ZNF365: variants seen among roughly 807,000 people sequenced by gnomAD.
ZNF365 encodes protein ZNF365.
A neutral mutation model predicts 35.0 loss-of-function variants in ZNF365; 22 were observed. The ratio of observed to expected loss-of-function variants is 0.63; its 90% confidence interval spans 0.45 to 0.90. The LOEUF is 0.90. Among genes scored for constraint, ZNF365 ranks in the 40% least tolerant of loss-of-function variants. ZNF365 has a pLI of 0.00. For missense variants in ZNF365, 448 were observed against 500.3 expected (o/e 0.90, Z 1.00); for synonymous variants, 188 against 196.2 (o/e 0.96, Z 0.35).
In ZNF365 at chr10:62,374,861, C is replaced by A. The variant is rs75926407; in HGVS notation, c.-14+403C>A. Among the ~76,000 whole-genome samples, 863 of 152,302 alleles carry A rather than the reference C, an allele frequency of 5.7e-3. 7 individuals carry two copies. The highest frequency in any genetic ancestry group is 0.02 in the African/African-American group (845 of 41,564). ...TGCCCCCTTAGAATCCTGACTTCCC[C>A]TTTCCTTACCTCTTGTCAGCGTCTT... On this transcript the variant is annotated intron_variant, in intron 1 of 4. Coordinates refer to ENST00000395254, the MANE Select transcript of ZNF365 (RefSeq NM_014951.3).
At chr10:62,410,433 A>G (rs530570045) in intron 3 of ZNF365, among the ~76,000 whole-genome samples, 2 of 152,158 alleles carry the variant, frequency 1.3e-5, no homozygotes, top group South Asian at 2.1e-4. Flanking sequence ...ACACAGGTAA[A>G]CATGTGCCAT....
chr10:62,453,860 A>C (rs117063048), intron 3 of ZNF365, among the ~76,000 whole-genome samples: 1,873 of 152,336 alleles, frequency 0.012, 12 homozygotes, highest in Non-Finnish European at 0.02. Context: ...GATATGATTT[A>C]AGTAAGTTGT....
chr10:62,455,269 G>T (rs1035125357), intron 3 of ZNF365, among the ~76,000 whole-genome samples: 1 of 152,170 alleles, frequency 6.6e-6, no homozygotes, highest in South Asian at 2.1e-4. Flanking sequence ...GGAGGATTTT[G>T]TAATAGCCCA....
At chr10:62,463,165 T>G (rs944878361) in intron 4 of ZNF365, among the ~76,000 whole-genome samples, 2 of 152,230 alleles carry the variant, frequency 1.3e-5, no homozygotes, top group Non-Finnish European at 2.9e-5. Flanking sequence ...AGGCTCAAGA[T>G]GAGCTCCTGC....
chr10:62,455,528 A>T (rs1485293596), intron 3 of ZNF365, among the ~76,000 whole-genome samples: 1 of 152,122 alleles, frequency 6.6e-6, no homozygotes, highest in Non-Finnish European at 1.5e-5. Context: ...ACTGGAGCTG[A>T]GATATATGTA....
At chr10:62,471,298 G>A (rs557117432) in intron 4 of ZNF365, among the ~76,000 whole-genome samples, 77 of 151,300 alleles carry the variant, frequency 5.1e-4, no homozygotes, top group African/African-American at 1.7e-3. Context: ...CCCGGGAGGC[G>A]GAGCTTGCAG....
intron 3 of ZNF365, among the ~76,000 whole-genome samples, chr10:62,411,017 C>T (rs1016931140): frequency 2.0e-5 from 3 of 152,166 alleles, no homozygotes; most frequent in African/African-American, 7.2e-5. Flanking sequence ...TTGCATTTCT[C>T]TAATGATCAG....
intron 3 of ZNF365, among the ~76,000 whole-genome samples, chr10:62,409,848 G>T (rs1396959007): frequency 1.3e-5 from 2 of 152,178 alleles, no homozygotes; most frequent in East Asian, 3.9e-4. Flanking sequence ...TGCAACAGTG[G>T]GTACAGGAGA....
At chr10:62,462,782 C>A (rs1403169165) in intron 4 of ZNF365, among the ~76,000 whole-genome samples, 1 of 152,136 alleles carries the variant, frequency 6.6e-6, no homozygotes, top group Non-Finnish European at 1.5e-5. Flanking sequence ...GTAAGGAAAT[C>A]TAAAAATTTT....
intron 3 of ZNF365, among the ~76,000 whole-genome samples, chr10:62,398,264 G>T (rs965544775): frequency 6.6e-6 from 1 of 152,190 alleles, no homozygotes; most frequent in African/African-American, 2.4e-5. Context: ...ATACTACTCA[G>T]CCATAAAATG....
intron 4 of ZNF365, among the ~76,000 whole-genome samples, chr10:62,475,206 G>A (rs1841108918): frequency 6.6e-6 from 1 of 152,178 alleles, no homozygotes; most frequent in Non-Finnish European, 1.5e-5. Context: ...TGGACAAGTG[G>A]TCTATCAAAT....
chr10:62,451,508 G>C (rs1373834097), intron 3 of ZNF365, among the ~76,000 whole-genome samples: 1 of 152,160 alleles, frequency 6.6e-6, no homozygotes, highest in Non-Finnish European at 1.5e-5. Flanking sequence ...AGAGGTTCCA[G>C]TTCCTACTCA....
chr10:62,446,068 A>G (rs374106586), intron 3 of ZNF365, among the ~76,000 whole-genome samples: 2 of 152,172 alleles, frequency 1.3e-5, no homozygotes, highest in African/African-American at 4.8e-5. Flanking sequence ...CAAATTCTGT[A>G]AGTGTAAGGT....
At chr10:62,410,541 T>A (rs1839970256) in intron 3 of ZNF365, among the ~76,000 whole-genome samples, 1 of 152,052 alleles carries the variant, frequency 6.6e-6, no homozygotes. Flanking sequence ...CATAGGCACC[T>A]GTGTGTGTAG....
intron 3 of ZNF365, among the ~76,000 whole-genome samples, chr10:62,429,466 C>T (rs1463984922): frequency 6.6e-6 from 1 of 152,168 alleles, no homozygotes; most frequent in Non-Finnish European, 1.5e-5. Context: ...CTAAGCAGAA[C>T]TAGATTTTGA....
chr10:62,463,738 A>G (rs1206302734), intron 4 of ZNF365, among the ~76,000 whole-genome samples: 4 of 152,228 alleles, frequency 2.6e-5, no homozygotes, highest in Non-Finnish European at 5.9e-5. Flanking sequence ...ATGCAGGAAC[A>G]CTTGCTCAAT....
intron 4 of ZNF365, among the ~76,000 whole-genome samples, chr10:62,471,041 G>T (rs112481515): frequency 0.01 from 1,568 of 151,452 alleles, 33 homozygotes; most frequent in African/African-American, 0.036. Flanking sequence ...AATATGTCTG[G>T]TATTTAATTT....
In ZNF365 at chr10:62,388,588, C is replaced by T. The variant is rs752742970; in HGVS notation, c.924+12C>T. The T allele has an allele frequency of 3.1e-6, 5 of 1,612,616 alleles. 1 individual carries two copies. The South Asian group carries it at 4.4e-5, about 14-fold the overall frequency. ...TCAGCGGGCACGTGGTGAGTCACCC[C>T]GGGCCAGCCACCGAGTGTAAGATCC... is the stretch of plus-strand genomic sequence containing the variant. On this transcript the variant is annotated intron_variant, in intron 3 of 4. Coordinates refer to ENST00000395254, the MANE Select transcript of ZNF365 (RefSeq NM_014951.3).
At chr10:62,384,100 A>G (rs1436635998) in intron 2 of ZNF365, among the ~76,000 whole-genome samples, 3 of 128,194 alleles carry the variant, frequency 2.3e-5, no homozygotes, top group Admixed American at 8.6e-5. Context: ...ATTTAATAAT[A>G]TTTGGCCTTT....
Sources: gnomAD v4.1 joint callset for allele counts (sites outside exome capture counted in the v4.1 genomes callset) on GRCh38, gnomAD v4.1.1 for gene constraint, MANE v1.5 for transcripts, NCBI Gene and HGNC (gene_info 2026-07-23, HGNC 2026-07-21) for gene names.